Variants in PSEN1 observed in about 807,000 individuals in gnomAD.
PSEN1 encodes the protein presenilin 1.
Under a neutral mutation model 53.5 loss-of-function variants are expected in PSEN1, and 15 were observed. The ratio of observed to expected loss-of-function variants is 0.28; its 90% CI spans 0.19 to 0.43. The LOEUF (loss-of-function observed/expected upper bound fraction) is 0.43, where lower values mean the gene tolerates loss of function less well. Ranked by LOEUF, PSEN1 falls within the 20% of genes least tolerant of loss-of-function variation. The probability of loss-of-function intolerance (pLI) is 1.00; values close to 1 mark genes in which losing one functional copy is unlikely to be tolerated. For missense variants in PSEN1, 387 were observed against 571.2 expected (o/e 0.68, Z 3.29); for synonymous variants, 208 against 209.8 (o/e 0.99, Z 0.08).
intron 3 of PSEN1, among the ~76,000 whole-genome samples, chr14:73,157,125 A>AT (rs201118066): frequency 7.6e-5 from 11 of 144,326 alleles, no homozygotes; most frequent in South Asian, 2.3e-4. Context: ...TGAGAAAGAT[A>AT]CCTTTTTTTT....
chr14:73,170,876 A>G lies in PSEN1; in HGVS notation c.167A>G (p.Gln56Arg), dbSNP rs754392688. 5.0e-6 allele frequency: 8 copies of G among 1,614,220 alleles called. No homozygotes were observed. The East Asian group carries it at 1.6e-4, about 31-fold the overall frequency. The change falls in exon 4 of 12, where the codon CAG (glutamine) becomes CGG (arginine). Residue 56 changes from glutamine to arginine, a missense_variant. Gln to Arg is a conservative substitution (Grantham distance 43). Around this residue, in one of 4 missense-constraint regions of PSEN1, gnomAD observed 99 missense variants for 101.5 expected, o/e 0.98. Coordinates refer to ENST00000324501, the MANE Select transcript of PSEN1 (RefSeq NM_000021.4). ...GAGCCATTATCTAATGGACGACCCC[A>G]GGGTAACTCCCGGCAGGTGGTGGAG... is the stretch of plus-strand genomic sequence containing the variant. ...HPEPLSNGRP[Q>R]GNSRQVVEQD...
chr14:73,150,901 A>G (rs1470443302), intron 3 of PSEN1, among the ~76,000 whole-genome samples: 1 of 151,980 alleles, frequency 6.6e-6, no homozygotes, highest in Non-Finnish European at 1.5e-5. Context: ...CCCCGTCTCT[A>G]CTAAAAAAAT....
intron 7 of PSEN1, among the ~76,000 whole-genome samples, chr14:73,194,247 T>C (rs1442778006): frequency 6.6e-6 from 1 of 151,932 alleles, no homozygotes; most frequent in Admixed American, 6.6e-5. Flanking sequence ...CTCTTTTTTT[T>C]TTCTTTTTGT....
intron 8 of PSEN1, among the ~76,000 whole-genome samples, chr14:73,199,076 T>G (rs1899072452): frequency 6.6e-6 from 1 of 152,210 alleles, no homozygotes; most frequent in South Asian, 2.1e-4. Context: ...CGCCTGGCCA[T>G]GTTTTCTTGT....
At chr14:73,177,966 CT>C (rs374072714) in intron 5 of PSEN1, among the ~76,000 whole-genome samples, 54 of 146,570 alleles carry the variant, frequency 3.7e-4, no homozygotes, top group Admixed American at 4.8e-4. Flanking sequence ...ATTCTTTACT[CT>C]TTTTTTTTTT....
intron 3 of PSEN1, among the ~76,000 whole-genome samples, chr14:73,149,346 A>G (rs529398491): frequency 1.3e-5 from 2 of 151,696 alleles, no homozygotes; most frequent in East Asian, 3.9e-4. Context: ...ATTTTCCCAC[A>G]GTTATGGTAC....
chr14:73,196,932 CTTTTTTTTT>C (rs557577799), intron 7 of PSEN1, among the ~76,000 whole-genome samples: 1 of 128,872 alleles, frequency 7.8e-6, no homozygotes, highest in African/African-American at 3.0e-5. Flanking sequence ...TTCTTTCTTT[CTTTTTTTTT>C]TTTTTTTTTG....
intron 10 of PSEN1, among the ~76,000 whole-genome samples, chr14:73,215,933 A>G (rs896183221): frequency 1.3e-5 from 2 of 152,192 alleles, no homozygotes; most frequent in Non-Finnish European, 2.9e-5. Context: ...TAGCCCAGCA[A>G]TTGCACCCCC....
chr14:73,184,157 A>AC lies in PSEN1; in HGVS notation c.481-2689dup, dbSNP rs1184734597. ...GGGCGGCTGGCCGGCCGGGGGGCTG[A>AC]CCCCCCCACCTCCCTCCCGGACGGG... On this transcript the variant is annotated intron_variant, in intron 5 of 11. Coordinates refer to ENST00000324501, the MANE Select transcript of PSEN1 (RefSeq NM_000021.4). Among the ~76,000 whole-genome samples the AC allele has an allele frequency of 4.6e-4, 23 of 50,134 alleles. 1 individual carries two copies. The highest frequency in any genetic ancestry group is 1.9e-3 in the African/African-American group (19 of 10,234). 32.9% of individuals were successfully genotyped at this position (50,134 alleles called of 152,430 possible).
chr14:73,204,494 G>T (rs538412782), intron 8 of PSEN1, among the ~76,000 whole-genome samples: 2 of 148,366 alleles, frequency 1.3e-5, no homozygotes, highest in East Asian at 2.0e-4. Context: ...GCTTGTTTTT[G>T]TACAGCTTAT....
At chr14:73,197,861 C>A in intron 7 of PSEN1, 170 bp from the exon 8 acceptor site, 1 of 608,854 alleles carries the variant, frequency 1.6e-6, no homozygotes, top group South Asian at 2.0e-5. Flanking sequence ...TTGTCTCCCC[C>A]ACCCCCACCA....
chr14:73,219,603 G>C lies in PSEN1; in HGVS notation c.*314G>C, dbSNP rs201726198. On this transcript the variant is annotated 3_prime_UTR_variant, in exon 12 of 12. Transcript: ENST00000324501. ...TGCTGTGCCCCATCAGCAGCTTGACGCGTGGTCACAGGACGATTTCACTGA... is the reference window on the plus strand; with the variant it reads ...TGCTGTGCCCCATCAGCAGCTTGACCCGTGGTCACAGGACGATTTCACTGA... 7.7e-6 allele frequency: 3 copies of C among 389,470 alleles called. No homozygotes were observed. In the Admixed American group the frequency reaches 1.1e-4, roughly 15 times the overall value. The allele number at this position is 389,470 out of a possible 1,614,324, so 24.1% of individuals were successfully genotyped here. A position where few individuals can be genotyped will look rare whatever the true frequency, so the allele number is the denominator to read the frequency against.
chr14:73,211,666 C>CCAGCTAGTTACAATGA, intron 9 of PSEN1, 103 bp from the exon 10 acceptor site: 1 of 1,276,298 alleles, frequency 7.8e-7, no homozygotes, highest in Non-Finnish European at 1.1e-6. Flanking sequence ...GGTTTAAGGG[C>CCAGCTAGTTACAATGA]CAGCTAGTTA....
intron 9 of PSEN1, among the ~76,000 whole-genome samples, chr14:73,211,146 C>T (rs1019073108): frequency 5.9e-5 from 9 of 152,282 alleles, no homozygotes; most frequent in East Asian, 3.9e-4. Context: ...TATTCTTTCA[C>T]GTGACAGGAA....
intron 3 of PSEN1, among the ~76,000 whole-genome samples, chr14:73,153,397 C>G (rs1352307553): frequency 6.6e-6 from 1 of 152,170 alleles, no homozygotes; most frequent in Non-Finnish European, 1.5e-5. Context: ...CCAGTTATGT[C>G]AACTGTTTGT....
intron 8 of PSEN1, among the ~76,000 whole-genome samples, chr14:73,201,328 C>T (rs953326475): frequency 2.0e-5 from 3 of 152,110 alleles, no homozygotes; most frequent in Non-Finnish European, 2.9e-5. Flanking sequence ...CCTTGTGATC[C>T]GCCCGCCTCG....
intron 6 of PSEN1, among the ~76,000 whole-genome samples, chr14:73,192,166 C>T (rs1428855930): frequency 1.3e-5 from 2 of 151,944 alleles, no homozygotes; most frequent in African/African-American, 4.8e-5. Flanking sequence ...GGCCAGGCAC[C>T]GTGGCTCATG....
intron 3 of PSEN1, among the ~76,000 whole-genome samples, chr14:73,152,636 C>T (rs984473345): frequency 4.6e-5 from 7 of 151,824 alleles, no homozygotes; most frequent in South Asian, 2.1e-4. Flanking sequence ...CACAAAAGCT[C>T]GGTAGCATGA....
At chr14:73,207,797 C>G (rs764686202) in intron 9 of PSEN1, among the ~76,000 whole-genome samples, 7 of 152,208 alleles carry the variant, frequency 4.6e-5, no homozygotes, top group Non-Finnish European at 7.3e-5. Flanking sequence ...CAAAGGCAAG[C>G]CAGGCATGGA....
Sources: gnomAD v4.1 joint callset for allele counts (sites outside exome capture counted in the v4.1 genomes callset) on GRCh38, gnomAD v4.1.1 for gene constraint, gnomAD v4.1.1 regional missense constraint, MANE v1.5 for transcripts, NCBI Gene and HGNC (gene_info 2026-07-23, HGNC 2026-07-21) for gene names.